Variants in SLC12A6 observed in about 807,000 individuals in gnomAD.
The protein encoded by SLC12A6 is solute carrier family 12 member 6, also known as K-Cl cotransporter 3.
SLC12A6 carries 66 observed loss-of-function variants against 135.3 expected under a neutral mutation model. That is an observed-to-expected ratio of 0.49 (90% CI 0.40 to 0.60). The LOEUF is 0.60. SLC12A6 is among the 20% of genes least tolerant of loss of function. The pLI is 0.00. For missense variants in SLC12A6, 1,058 were observed against 1,452.3 expected (o/e 0.73, Z 4.41); for synonymous variants, 513 against 508.8 (o/e 1.01, Z -0.11).
intron 11 of SLC12A6, 42 bp downstream of exon 11, chr15:34,250,857 G>C (rs1305003003): frequency 6.5e-7 from 1 of 1,550,102 alleles, no homozygotes; most frequent in Non-Finnish European, 8.9e-7. Context: ...TCACTCCGTG[G>C]GTCTGACAGC....
At chr15:34,251,856 T>C (rs891038881) in intron 10 of SLC12A6, among the ~76,000 whole-genome samples, 1 of 152,228 alleles carries the variant, frequency 6.6e-6, no homozygotes, top group Non-Finnish European at 1.5e-5. Flanking sequence ...ATTCTGTCAG[T>C]GCAGGAAGAA....
intron 3 of SLC12A6, among the ~76,000 whole-genome samples, chr15:34,267,614 C>A (rs988059632): frequency 1.3e-5 from 2 of 152,172 alleles, no homozygotes; most frequent in African/African-American, 4.8e-5. Context: ...TTTGGGAGGC[C>A]ATGGCAGGAG....
chr15:34,305,388 T>G (rs1312823533), intron 2 of SLC12A6, among the ~76,000 whole-genome samples: 2 of 151,994 alleles, frequency 1.3e-5, no homozygotes, highest in East Asian at 1.9e-4. Context: ...TTTAAAAGTT[T>G]TTTTTTTTTG....
chr15:34,249,501 A>G (rs1231179318), intron 13 of SLC12A6, among the ~76,000 whole-genome samples: 1 of 152,210 alleles, frequency 6.6e-6, no homozygotes, highest in East Asian at 1.9e-4. Context: ...CAGGAGGTTG[A>G]GGCTGTAGGG....
chr15:34,235,404 C>T, intron 24 of SLC12A6, 90 bp from the exon 25 acceptor site: 1 of 932,250 alleles, frequency 1.1e-6, no homozygotes, highest in Non-Finnish European at 1.7e-6. Flanking sequence ...AGCTTTTTCA[C>T]TTGACTATGG....
intron 13 of SLC12A6, among the ~76,000 whole-genome samples, chr15:34,247,788 T>C (rs1302796447): frequency 6.6e-6 from 1 of 151,942 alleles, no homozygotes; most frequent in East Asian, 1.9e-4. Flanking sequence ...GACTGTAGCC[T>C]CAACCTCCTG....
In SLC12A6 at chr15:34,308,651, AAC is replaced by A. The variant is rs1377791341; in HGVS notation, c.271+27757_271+27758del. Among the ~76,000 whole-genome samples, 1,075 of 117,134 alleles carry A rather than the reference AAC, an allele frequency of 9.2e-3. 16 individuals are homozygous for A. The highest frequency in any genetic ancestry group is 0.027 in the East Asian group (75 of 2,794). 76.8% of individuals were successfully genotyped at this position (117,134 alleles called of 152,430 possible). On this transcript the variant is annotated intron_variant, in intron 2 of 25. Coordinates refer to ENST00000354181, the MANE Select transcript of SLC12A6 (RefSeq NM_001365088.1). The stretch of plus-strand genomic sequence containing the variant: ...CTGACAAAAAAAAAAAAAAAAAAAA[AAC>A]AAACCAGATTGTTGGATTAAGTCAA...
chr15:34,283,696 A>G (rs1894839061), intron 2 of SLC12A6, among the ~76,000 whole-genome samples: 1 of 152,138 alleles, frequency 6.6e-6, no homozygotes, highest in Admixed American at 6.5e-5. Flanking sequence ...AGTGTAGCAC[A>G]CTATAATAAG....
At chr15:34,251,546 T>G (rs1892396904) in intron 10 of SLC12A6, among the ~76,000 whole-genome samples, 1 of 152,134 alleles carries the variant, frequency 6.6e-6, no homozygotes. Context: ...GGCGCCCAGC[T>G]AAACATAATG....
chr15:34,283,756 A>ATT (rs11291463), intron 2 of SLC12A6, among the ~76,000 whole-genome samples: 509 of 148,354 alleles, frequency 3.4e-3, no homozygotes, highest in Admixed American at 5.0e-3. Flanking sequence ...AAAGGTTAGC[A>ATT]TTTTTTTTTT....
At chr15:34,314,192 G>C (rs967046056) in intron 2 of SLC12A6, among the ~76,000 whole-genome samples, 2 of 152,046 alleles carry the variant, frequency 1.3e-5, no homozygotes, top group African/African-American at 4.8e-5. Context: ...GGATTTACAG[G>C]CATATGCCAC....
Position 34,238,275 on chromosome 15 carries a change from C to A in SLC12A6, c.2759G>T (p.Gly920Val). 1 of 1,613,638 alleles carries A rather than the reference C, an allele frequency of 6.2e-7. No individual in the cohort carries two copies. ...NIDVWWIVHDGGMLMLLPFLL... is the reference protein window; with the variant it reads ...NIDVWWIVHDVGMLMLLPFLL... ...GAATGGTAGTAGCATAAGCATCCCC[C>A]CATCATGCACAATCCACCACACATC... Residue 920 changes from glycine to valine, a missense_variant, in exon 21 of 26, where the codon GGG becomes GTG. By Grantham distance (109) the Gly-to-Val change is moderately radical. Transcript: ENST00000354181.
intron 2 of SLC12A6, among the ~76,000 whole-genome samples, chr15:34,330,536 G>A (rs1889767270): frequency 6.6e-6 from 1 of 151,950 alleles, no homozygotes. Flanking sequence ...GGTCATAGTG[G>A]TGTGCACCTG....
chr15:34,256,188 C>T, intron 7 of SLC12A6, 41 bp downstream of exon 7: 2 of 1,285,474 alleles, frequency 1.6e-6, no homozygotes, highest in East Asian at 2.3e-5. Context: ...AACACAGAGT[C>T]AACACTGATA....
intron 13 of SLC12A6, among the ~76,000 whole-genome samples, chr15:34,248,454 C>T (rs928920920): frequency 7.2e-5 from 11 of 151,906 alleles, no homozygotes; most frequent in African/African-American, 2.2e-4. Context: ...CTCTAATTTA[C>T]ACTCTCAATA....
In SLC12A6 at chr15:34,242,235, A is replaced by C. The variant is rs1363875454; in HGVS notation, c.2043-14T>G. On this transcript the variant is annotated splice_polypyrimidine_tract_variant and intron_variant, in intron 16 of 25. Coordinates refer to ENST00000354181, the MANE Select transcript of SLC12A6 (RefSeq NM_001365088.1). ...AAAGAAAGGGCCCTAGAAAATTAAA[A>C]ACAAAAAAGTATCTTTTAAAGTAGC... 1 of 1,583,758 alleles carries C rather than the reference A, an allele frequency of 6.3e-7. No homozygotes were observed. The highest frequency in any genetic ancestry group is 1.1e-5 in the South Asian group (1 of 90,402).
chr15:34,272,581 T>C (rs866008281), intron 3 of SLC12A6, among the ~76,000 whole-genome samples: 9 of 152,146 alleles, frequency 5.9e-5, no homozygotes, highest in Non-Finnish European at 5.9e-5. Context: ...AATCCTCAGG[T>C]TGGCTAAAAA....
intron 25 of SLC12A6, among the ~76,000 whole-genome samples, chr15:34,234,742 G>A (rs754476040): frequency 2.0e-5 from 3 of 152,144 alleles, no homozygotes; most frequent in South Asian, 2.1e-4. Flanking sequence ...AGGGTTTCCC[G>A]TATCCCAGGA....
At chr15:34,308,729 T>C (rs1013304548) in intron 2 of SLC12A6, among the ~76,000 whole-genome samples, 7 of 151,256 alleles carry the variant, frequency 4.6e-5, no homozygotes, top group Non-Finnish European at 1.0e-4. Flanking sequence ...TCTACATTTG[T>C]AAATACTCTA....
Sources: allele counts gnomAD v4.1 joint callset (sites outside exome capture counted in the v4.1 genomes callset), GRCh38; gene constraint gnomAD v4.1.1; transcripts MANE v1.5; gene names NCBI Gene and HGNC (gene_info 2026-07-23, HGNC 2026-07-21).